The following TRPM6 variants were observed in gnomAD, a reference collection of about 807,000 sequenced individuals.
TRPM6 encodes the protein channel kinase 2.
A neutral mutation model predicts 247.6 loss-of-function variants in TRPM6; 111 were observed. The ratio of observed to expected loss-of-function variants is 0.45; its 90% CI spans 0.38 to 0.52. The LOEUF is 0.52. Ranked by LOEUF, TRPM6 falls within the 20% of genes least tolerant of loss-of-function variation. The probability of loss-of-function intolerance (pLI) is 0.00; values close to 1 mark genes in which losing one functional copy is unlikely to be tolerated. For synonymous variants in TRPM6, 892 were observed against 853.8 expected (o/e 1.04, Z -0.78); for missense variants, 2,126 against 2,421.5 (o/e 0.88, Z 2.56).
Position 74,763,034 on chromosome 9 carries a change from C to A in TRPM6, c.3637G>T (p.Asp1213Tyr). ...GTATCCACAGTCAGGGCAGAGAGATCCTGCAGGTGTCCCACCTGGCTGTCC... is the reference window on the plus strand; with the variant it reads ...GTATCCACAGTCAGGGCAGAGAGATACTGCAGGTGTCCCACCTGGCTGTCC... ...SLDSQVGHLQ[D>Y]LSALTVDTLK... The change falls in exon 26 of 39, where the codon GAT becomes TAT. Residue 1213 changes from aspartate (D) to tyrosine (Y), a missense_variant. Asp to Tyr is a radical substitution (Grantham distance 160). Transcript: ENST00000360774. The A allele has an allele frequency of 1.9e-6, 3 of 1,614,136 alleles. No homozygotes were observed. Among genetic ancestry groups the A allele is most frequent in the Non-Finnish European group, 2.5e-6 (3 of 1,180,008 alleles).
At chr9:74,858,992 A>T (rs1270141738) in intron 1 of TRPM6, among the ~76,000 whole-genome samples, 1 of 152,176 alleles carries the variant, frequency 6.6e-6, no homozygotes, top group African/African-American at 2.4e-5. Flanking sequence ...GAGTAACAAA[A>T]GCCCTACATG....
intron 13 of TRPM6, among the ~76,000 whole-genome samples, chr9:74,810,525 C>CG (rs1287739316): frequency 6.6e-6 from 1 of 152,188 alleles, no homozygotes; most frequent in Admixed American, 6.5e-5. Flanking sequence ...ACCACGGTAT[C>CG]GGGGTAAGCT....
chr9:74,728,896 G>A (rs1053464949), intron 37 of TRPM6, among the ~76,000 whole-genome samples: 2 of 152,174 alleles, frequency 1.3e-5, no homozygotes, highest in African/African-American at 2.4e-5. Flanking sequence ...AACTGCTAGA[G>A]CTGGGCTTTT....
In TRPM6 at chr9:74,724,863, C is replaced by T. The variant is rs1445846449; in HGVS notation, c.5936-117G>A. The T allele has an allele frequency of 3.7e-6, 5 of 1,338,078 alleles. No homozygotes were observed. In the African/African-American group the frequency reaches 7.4e-5, roughly 20 times the overall value. The allele number at this position is 1,338,078 out of a possible 1,614,324, so 82.9% of individuals were successfully genotyped here. On this transcript the variant is annotated intron_variant, in intron 38 of 38. Transcript: ENST00000360774. ...CAGAGAGATCTCCTCTTCCTCAGAC[C>T]ATAGATATGTGGAACTCAAACCCTC...
chr9:74,835,791 G>C (rs1829701790), intron 5 of TRPM6, among the ~76,000 whole-genome samples: 1 of 152,014 alleles, frequency 6.6e-6, no homozygotes, highest in East Asian at 1.9e-4. Flanking sequence ...TTCAAGAATA[G>C]ACTTTATTTT....
At chr9:74,781,664 CA>C (rs1827463253) in intron 23 of TRPM6, among the ~76,000 whole-genome samples, 2 of 151,474 alleles carry the variant, frequency 1.3e-5, no homozygotes, top group East Asian at 1.9e-4. Context: ...AAACAGAGAA[CA>C]GGGGAAGCTG....
rs997512465 is a variant in TRPM6 at position 74,762,206 on chromosome 9, G to C, written c.4465C>G (p.Gln1489Glu). 2.1e-5 allele frequency: 34 copies of C among 1,614,048 alleles called. No individual in the cohort carries two copies. Among genetic ancestry groups the C allele is most frequent in the Non-Finnish European group, 2.7e-5 (32 of 1,180,018 alleles). ...TCDSDSSRSE[Q>E]HQKQAQDSSL... ...CTGTCCTGGGCCTGCTTCTGGTGCT[G>C]TTCACTCCGAGAGGAATCACTGTCA... Residue 1489 changes from glutamine to glutamate, a missense_variant, in exon 26 of 39, where the codon CAG (glutamine) becomes GAG (glutamate). This residue lies in a region of TRPM6 where 717 missense variants were observed against 715.9 expected (regional missense o/e 1.00). Transcript: ENST00000360774.
Position 74,856,186 on chromosome 9 carries a change from C to A in TRPM6, c.114-621G>T, listed in dbSNP as rs144021670. 6.4e-3 allele frequency among the ~76,000 whole-genome samples: 981 copies of A among 152,136 alleles called. 16 individuals are homozygous for A. Among genetic ancestry groups the A allele is most frequent in the African/African-American group, 0.023 (944 of 41,512 alleles). Reference sequence around the variant, plus strand: ...AGGCACAGTGGCTTATGCCTGTAATCCCAGCACTTTGTGAGGCTGAGGTGA... The same window carrying A: ...AGGCACAGTGGCTTATGCCTGTAATACCAGCACTTTGTGAGGCTGAGGTGA... On this transcript the variant is annotated intron_variant, in intron 2 of 38. Transcript: ENST00000360774.
intron 27 of TRPM6, among the ~76,000 whole-genome samples, chr9:74,759,690 A>G (rs1393056826): frequency 6.6e-6 from 1 of 152,162 alleles, no homozygotes; most frequent in African/African-American, 2.4e-5. Flanking sequence ...AGAAGAAAAC[A>G]TGAGAATAAG....
intron 1 of TRPM6, among the ~76,000 whole-genome samples, chr9:74,861,658 A>G (rs553080690): frequency 6.6e-6 from 1 of 152,368 alleles, no homozygotes; most frequent in East Asian, 1.9e-4. Flanking sequence ...AAAGGATTAG[A>G]TAAAGGTTTA....
chr9:74,818,878 C>G (rs1428441855), intron 9 of TRPM6, among the ~76,000 whole-genome samples: 1 of 151,362 alleles, frequency 6.6e-6, no homozygotes, highest in Non-Finnish European at 1.5e-5. Context: ...TTTTTTGAGG[C>G]CAGGTACTCA....
Position 74,803,210 on chromosome 9 carries a change from G to T in TRPM6, c.1731+584C>A, listed in dbSNP as rs114302103. On this transcript the variant is annotated intron_variant, in intron 15 of 38. Transcript: ENST00000360774. ...CTTTCAGCTAACATAATAACCATTT[G>T]CATGGAAATTCTTGAGCAAAAGCAT... Among the ~76,000 whole-genome samples the T allele has an allele frequency of 6.9e-3, 1,052 of 152,074 alleles. 22 individuals carry two copies. Among genetic ancestry groups the T allele is most frequent in the African/African-American group, 0.024 (1,007 of 41,470 alleles).
chr9:74,881,410 T>C (rs559354887), intron 1 of TRPM6, among the ~76,000 whole-genome samples: 1 of 152,186 alleles, frequency 6.6e-6, no homozygotes, highest in Non-Finnish European at 1.5e-5. Context: ...TAAACATATA[T>C]GCACCTAACA....
At position 74,782,709 on chromosome 9, in the gene TRPM6, A is replaced by G. The variant is rs1827505689; in HGVS notation, c.3064T>C (p.Tyr1022His). Residue 1022 changes from tyrosine to histidine, a missense_variant, in exon 22 of 39, where the codon TAC (tyrosine) becomes CAC (histidine). Tyr to His is a moderately conservative substitution (Grantham distance 83). Coordinates refer to ENST00000360774, the MANE Select transcript of TRPM6 (RefSeq NM_017662.5). ...ATTTCTCCAGCATAGACTTCTCCGT[A>G]TATCATCCAGTATGGCTCAAATACA... is the stretch of plus-strand genomic sequence containing the variant. ...DIVFEPYWMI[Y>H]GEVYAGEIDV... 1.2e-6 allele frequency: 2 copies of G among 1,614,080 alleles called. No homozygotes were observed. Among genetic ancestry groups the G allele is most frequent in the African/African-American group, 1.3e-5 (1 of 74,924 alleles).
In TRPM6 at chr9:74,732,260, G is replaced by A. The variant is rs141035626; in HGVS notation, c.5828+425C>T. Among the ~76,000 whole-genome samples, 500 of 152,216 alleles carry A rather than the reference G, an allele frequency of 3.3e-3. 4 individuals are homozygous for A. Among genetic ancestry groups the A allele is most frequent in the Middle Eastern group, 6.8e-3 (2 of 292 alleles). ...GCTGTTACTAAATAGCACACTTTAT[G>A]CCCCTAGCTTTCATTTTATAAGCAT... is the stretch of plus-strand genomic sequence containing the variant. On this transcript the variant is annotated intron_variant, in intron 37 of 38. Coordinates refer to ENST00000360774, the MANE Select transcript of TRPM6 (RefSeq NM_017662.5).
At chr9:74,776,127 G>A (rs1375720759) in intron 23 of TRPM6, 51 bp from the exon 24 acceptor site, 17 of 1,499,600 alleles carry the variant, frequency 1.1e-5, no homozygotes, top group Admixed American at 1.7e-5. Context: ...AGTCTTGAAA[G>A]GTAACAGAGT....
intron 23 of TRPM6, among the ~76,000 whole-genome samples, chr9:74,778,605 C>T (rs1827308190): frequency 6.6e-6 from 1 of 152,166 alleles, no homozygotes; most frequent in South Asian, 2.1e-4. Flanking sequence ...GTTCTCTGGG[C>T]CGTTTGCAGG....
chr9:74,752,157 T>G, intron 29 of TRPM6, 120 bp downstream of exon 29: 1 of 663,886 alleles, frequency 1.5e-6, no homozygotes, highest in South Asian at 1.7e-5. Context: ...AAACAAAGAT[T>G]AAGCAGACTG....
rs772705797 is a variant in TRPM6, at chr9:74,739,736, T to C, written c.5474A>G (p.His1825Arg). The change falls in exon 34 of 39, where the codon CAT becomes CGT. Residue 1825 changes from histidine to arginine, a missense_variant. His to Arg is a conservative substitution (Grantham distance 29, BLOSUM62 0). Transcript: ENST00000360774. Reference sequence around the variant, plus strand: ...TTTCAGACTTACCCTGAGGCAAAGATGAAGCACAGTGCTCTCCTGGAAGAT... The same window carrying C: ...TTTCAGACTTACCCTGAGGCAAAGACGAAGCACAGTGCTCTCCTGGAAGAT... The part of the protein sequence containing the change: ...HKIFQESTVL[H>R]LCLREIQQQR... 1.9e-6 allele frequency: 3 copies of C among 1,612,852 alleles called. No homozygotes were observed. The highest frequency in any genetic ancestry group is 1.1e-5 in the South Asian group (1 of 91,074).
Sources: allele counts gnomAD v4.1 joint callset (sites outside exome capture counted in the v4.1 genomes callset), GRCh38; gene constraint gnomAD v4.1.1; regional missense constraint gnomAD v4.1.1; transcripts MANE v1.5; gene names NCBI Gene and HGNC (gene_info 2026-07-23, HGNC 2026-07-21).